The following ITPR3 variants were observed in gnomAD, a reference collection of about 807,000 sequenced individuals.
ITPR3 encodes inositol 1,4,5-trisphosphate-gated calcium channel ITPR3.
A neutral mutation model predicts 293.2 loss-of-function variants in ITPR3; 173 were observed. The ratio of observed to expected loss-of-function variants is 0.59; its 90% CI spans 0.52 to 0.67. The LOEUF (loss-of-function observed/expected upper bound fraction) is 0.67, where lower values mean the gene tolerates loss of function less well. Ranked by LOEUF, ITPR3 falls within the 30% of genes least tolerant of loss-of-function variation. The pLI is 0.00. For missense variants in ITPR3, 2,796 were observed against 3,592.1 expected, an observed-to-expected ratio of 0.78 and a Z score of 5.66; for synonymous variants, 1,295 against 1,444.4, an observed-to-expected ratio of 0.90 and a Z score of 2.35.
intron 2 of ITPR3, among the ~76,000 whole-genome samples, chr6:33,645,670 G>A (rs1314965656): frequency 1.3e-5 from 2 of 152,160 alleles, no homozygotes; most frequent in Non-Finnish European, 2.9e-5. Flanking sequence ...AGCTCCCTTC[G>A]CTCTGCCCAC....
Position 33,633,496 on chromosome 6 carries a change from G to T in ITPR3, c.90-6988G>T, listed in dbSNP as rs1763732334. 1.3e-5 allele frequency among the ~76,000 whole-genome samples: 2 copies of T among 152,066 alleles called. No homozygotes were observed. The highest frequency in any genetic ancestry group is 4.1e-4 in the South Asian group (2 of 4,830). ...GTGGGGCGCTAAGGCCAGGGACGTC[G>T]GTGCCATCAGGTGGGGAGGGGTACC... On this transcript the variant is annotated intron_variant, in intron 1 of 57. Transcript: ENST00000605930. This position sits in a 1 kb window ranked among gnomAD's most constrained non-coding sequence, Gnocchi z 5.2.
At position 33,690,288 on chromosome 6, in the gene ITPR3, T is replaced by C. The variant is rs146888464; in HGVS notation, c.7032+90T>C. 3.1e-4 allele frequency: 388 copies of C among 1,269,562 alleles called. 3 individuals are homozygous for C. In the East Asian group the frequency reaches 9.3e-3, roughly 30 times the overall value. The allele number at this position is 1,269,562 out of a possible 1,614,324, so 78.6% of individuals were successfully genotyped here. A position where few individuals can be genotyped will look rare whatever the true frequency, so the allele number is the denominator to read the frequency against. ...TGTTGGCAGTTCCCCGGCACCAGTC[T>C]GTCTGTCCAGTCCTTTTGCTGCTGG... is the stretch of plus-strand genomic sequence containing the variant. On this transcript the variant is annotated intron_variant, in intron 51 of 57. Transcript: ENST00000605930.
chr6:33,658,034 C>T lies in ITPR3; in HGVS notation c.369+16C>T. 12 of 1,604,702 alleles carry T rather than the reference C, an allele frequency of 7.5e-6. No homozygotes were observed. Among genetic ancestry groups the T allele is most frequent in the Non-Finnish European group, 1.0e-5 (12 of 1,173,978 alleles). On this transcript the variant is annotated intron_variant, in intron 4 of 57. Transcript: ENST00000605930. This position sits in a 1 kb window ranked among gnomAD's most constrained non-coding sequence, Gnocchi z 6.1. ...TGTGATCCAGGTGAGGCTGGCCTGC[C>T]TCTCTCCCGCCTGCCCCTCTCCCTG...
chr6:33,677,222 T>C, intron 27 of ITPR3, 133 bp downstream of exon 27: 1 of 876,864 alleles, frequency 1.1e-6, no homozygotes, highest in East Asian at 2.7e-5. Context: ...CAGCCTTTGC[T>C]GCACATTAAA....
At position 33,666,723 on chromosome 6, in the gene ITPR3, T is replaced by C. The variant is rs1317848422; in HGVS notation, c.1552-406T>C. On this transcript the variant is annotated intron_variant, in intron 14 of 57. Transcript: ENST00000605930. The surrounding 1 kb of genome is among the most constrained non-coding windows in gnomAD (Gnocchi z 5.1). ...CACCTCTCCACCCAGCCCCAGCCTT[T>C]AAAACATTTTTGTAATTATGTAACA... Among the ~76,000 whole-genome samples, 1 of 152,184 alleles carries C rather than the reference T, an allele frequency of 6.6e-6. No individual in the cohort carries two copies. The highest frequency in any genetic ancestry group is 1.5e-5 in the Non-Finnish European group (1 of 68,038).
chr6:33,662,619 C>A lies in ITPR3; in HGVS notation c.803C>A (p.Thr268Lys). 1 of 1,611,878 alleles carries A rather than the reference C, an allele frequency of 6.2e-7. No homozygotes were observed. The highest frequency in any genetic ancestry group is 8.5e-7 in the Non-Finnish European group (1 of 1,179,976). The stretch of plus-strand genomic sequence containing the variant: ...AAGCTGCAGGTGTTCCTGCGAACTA[C>A]ACTGCGCCAGTCTGCCACCTCGGCC... ...KGKLQVFLRTTLRQSATSATS... is the reference protein window; with the variant it reads ...KGKLQVFLRTKLRQSATSATS... Residue 268 changes from threonine to lysine, a missense_variant, in exon 8 of 58, where the codon ACA (threonine) becomes AAA (lysine). Thr to Lys is a moderately conservative substitution (Grantham distance 78). This residue lies in a region of ITPR3 where 955 missense variants were observed against 1,180.8 expected (regional missense o/e 0.81). Coordinates refer to ENST00000605930, the MANE Select transcript of ITPR3 (RefSeq NM_002224.4).
chr6:33,648,234 T>A (rs1381520448), intron 2 of ITPR3, among the ~76,000 whole-genome samples: 1 of 151,910 alleles, frequency 6.6e-6, no homozygotes, highest in African/African-American at 2.4e-5. Flanking sequence ...CCTGGCTAAT[T>A]TTTTAATTTT....
rs112677714 is a variant in ITPR3, at chr6:33,692,244, G to C, written c.7458+316G>C. Among the ~76,000 whole-genome samples, 3 of 152,196 alleles carry C rather than the reference G, an allele frequency of 2.0e-5. No homozygotes were observed. Among genetic ancestry groups the C allele is most frequent in the Non-Finnish European group, 2.9e-5 (2 of 68,038 alleles). On this transcript the variant is annotated intron_variant, in intron 54 of 57. Transcript: ENST00000605930. This position sits in a 1 kb window ranked among gnomAD's most constrained non-coding sequence, Gnocchi z 4.2. ...GGCGGAGCTGAGTCAGCTTTATCAG[G>C]AGGCCTCATGATTTGGCTTGGGCAG...
chr6:33,688,759 T>C lies in ITPR3; in HGVS notation c.6672T>C (p.Pro2224=). ...ACATCATCATTGCCTTCTTCTACCC[T>C]TACATGGAGGGCGCGTCCACAGGTG... ...FINIIIAFFY[P]YMEGASTGVL... is the part of the protein sequence containing the mutation. Residue 2224 remains proline, a synonymous_variant, in exon 49 of 58, where the codon CCT becomes CCC. Coordinates refer to ENST00000605930, the MANE Select transcript of ITPR3 (RefSeq NM_002224.4). The C allele has an allele frequency of 6.2e-7, 1 of 1,614,182 alleles. No individual in the cohort carries two copies.
At chr6:33,674,316 C>A (rs758766602) in intron 24 of ITPR3, 51 bp downstream of exon 24, 6 of 1,570,792 alleles carry the variant, frequency 3.8e-6, no homozygotes, top group South Asian at 1.1e-5. Flanking sequence ...AGGCTCGACA[C>A]CCCCTCTTGG....
In ITPR3 at chr6:33,673,628, A is replaced by G. The variant is rs1764828824; in HGVS notation, c.2966A>G (p.Tyr989Cys). 1 of 1,613,872 alleles carries G rather than the reference A, an allele frequency of 6.2e-7. No individual in the cohort carries two copies. The highest frequency in any genetic ancestry group is 8.5e-7 in the Non-Finnish European group (1 of 1,179,976). ...GTCCGCCTGGATTACCGCATATCCT[A>G]CCTGCTGTCTGTCTTCAAGAAGGAG... Reference protein sequence around the residue: ...LNVRLDYRISYLLSVFKKEFV... With the variant: ...LNVRLDYRISCLLSVFKKEFV... The change falls in exon 23 of 58, where the codon TAC (tyrosine) becomes TGC (cysteine). Residue 989 changes from tyrosine (Y) to cysteine (C), a missense_variant. By Grantham distance (194) the Tyr-to-Cys change is radical (BLOSUM62 -2). This residue lies in a region of ITPR3 where 955 missense variants were observed against 1,180.8 expected (regional missense o/e 0.81). Transcript: ENST00000605930.
intron 31 of ITPR3, 37 bp from the exon 32 acceptor site, chr6:33,680,292 C>T: frequency 1.3e-6 from 2 of 1,595,164 alleles, no homozygotes; most frequent in Non-Finnish European, 8.5e-7. Context: ...GGCCAGGCGG[C>T]CCTGCTTGCG....
intron 21 of ITPR3, among the ~76,000 whole-genome samples, chr6:33,671,507 C>T (rs1467411970): frequency 2.0e-5 from 3 of 152,188 alleles, no homozygotes; most frequent in Non-Finnish European, 2.9e-5. Flanking sequence ...CTGGAGACCC[C>T]GGGTCTGTGG....
chr6:33,683,603 G>A lies in ITPR3; in HGVS notation c.4788+206G>A, dbSNP rs1239292963. On this transcript the variant is annotated intron_variant, in intron 35 of 57. Transcript: ENST00000605930. The surrounding 1 kb of genome is among the most constrained non-coding windows in gnomAD (Gnocchi z 4.5). Reference sequence around the variant, plus strand: ...ACTGGGGAACCTCCTTCCAGAGGAAGCCTGGAGAACCCAGAGGCCTGCTAG... The same window carrying A: ...ACTGGGGAACCTCCTTCCAGAGGAAACCTGGAGAACCCAGAGGCCTGCTAG... Among the ~76,000 whole-genome samples, 1 of 152,198 alleles carries A rather than the reference G, an allele frequency of 6.6e-6. No homozygotes were observed. The highest frequency in any genetic ancestry group is 1.5e-5 in the Non-Finnish European group (1 of 68,010).
intron 2 of ITPR3, among the ~76,000 whole-genome samples, chr6:33,653,635 G>C (rs1021937902): frequency 6.6e-6 from 1 of 152,194 alleles, no homozygotes; most frequent in Non-Finnish European, 1.5e-5. Flanking sequence ...TCTAGGCCCA[G>C]AACACTGCTC....
chr6:33,677,663 G>C lies in ITPR3; in HGVS notation c.3648+34G>C, dbSNP rs577925879. ...GACTTCTGACCTCTGACTCCCCAGG[G>C]TGGCTTCCCCCTGAACCCCGGCCTG... is the stretch of plus-strand genomic sequence containing the variant. On this transcript the variant is annotated intron_variant, in intron 28 of 57. Coordinates refer to ENST00000605930, the MANE Select transcript of ITPR3 (RefSeq NM_002224.4). 5.6e-5 allele frequency: 90 copies of C among 1,608,530 alleles called. 1 individual carries two copies. In the East Asian group the frequency reaches 2.0e-3, roughly 36 times the overall value.
At chr6:33,668,891 G>T in intron 17 of ITPR3, 83 bp from the exon 18 acceptor site, 1 of 1,429,614 alleles carries the variant, frequency 7.0e-7, no homozygotes, top group Non-Finnish European at 9.6e-7. Context: ...GGCTGGCACT[G>T]TGTGGCCGGG....
intron 2 of ITPR3, among the ~76,000 whole-genome samples, chr6:33,650,476 C>A (rs1764160985): frequency 6.6e-6 from 1 of 152,296 alleles, no homozygotes; most frequent in East Asian, 1.9e-4. Flanking sequence ...ACTGCTCTCC[C>A]GGGGATGCTT....
At chr6:33,668,115 C>A in intron 16 of ITPR3, 151 bp downstream of exon 16, 1 of 889,160 alleles carries the variant, frequency 1.1e-6, no homozygotes, top group Non-Finnish European at 1.7e-6. Flanking sequence ...GAGGCCCTAG[C>A]CTCCCTAGCC....
Sources: allele counts gnomAD v4.1 joint callset (sites outside exome capture counted in the v4.1 genomes callset), GRCh38; gene constraint gnomAD v4.1.1; regional missense constraint gnomAD v4.1.1; non-coding constraint Gnocchi (gnomAD v3.1); transcripts MANE v1.5; gene names NCBI Gene and HGNC (gene_info 2026-07-23, HGNC 2026-07-21).